Variants in NR2F1-AS1 observed in about 807,000 individuals in gnomAD.
NR2F1-AS1 encodes NR2F1 antisense RNA 1.
At chr5:93,521,917 T>C (rs543442373) in intron 4 of NR2F1-AS1, among the ~76,000 whole-genome samples, 16 of 152,308 alleles carry the variant, frequency 1.1e-4, no homozygotes, top group South Asian at 6.2e-4. Flanking sequence ...TGGCTGTTCA[T>C]TGCGGCACTA....
At chr5:93,569,974 T>C (rs1752708442) in intron 1 of NR2F1-AS1, 1 of 152,214 alleles carries the variant, frequency 6.6e-6, no homozygotes, top group South Asian at 2.1e-4. Context: ...GGCTGGAGGA[T>C]GGTAGTATTT....
intron 4 of NR2F1-AS1, among the ~76,000 whole-genome samples, chr5:93,520,329 AC>A (rs1205350497): frequency 6.6e-6 from 1 of 152,104 alleles, no homozygotes; most frequent in Non-Finnish European, 1.5e-5. Context: ...TTTGAAGAAC[AC>A]CAAATCCACT....
chr5:93,431,244 A>G lies in NR2F1-AS1; in HGVS notation n.639-35702T>C, dbSNP rs377126361. On this transcript the variant is annotated intron_variant and non_coding_transcript_variant, in intron 4 of 5. Coordinates refer to ENST00000660523, the Ensembl canonical transcript of NR2F1-AS1. ...TTATTTCCAGATGCATAATGTGTAT[A>G]AATATCTGCATAGCTAAAGACAAAT... Among the ~76,000 whole-genome samples, 33 of 152,154 alleles carry G rather than the reference A, an allele frequency of 2.2e-4. 1 individual carries two copies. In the East Asian group the frequency reaches 3.7e-3, roughly 17 times the overall value.
At chr5:93,429,080 C>T (rs147851047) in intron 4 of NR2F1-AS1, among the ~76,000 whole-genome samples, 10 of 152,252 alleles carry the variant, frequency 6.6e-5, no homozygotes, top group Non-Finnish European at 8.8e-5. Context: ...TGTGCAGTCA[C>T]TAAAGGCAGC....
intron 4 of NR2F1-AS1, among the ~76,000 whole-genome samples, chr5:93,515,182 CTG>C (rs1176381885): frequency 6.6e-6 from 1 of 151,822 alleles, no homozygotes; most frequent in Non-Finnish European, 1.5e-5. Context: ...TGAAGTGAAA[CTG>C]TGGGTTTTGT....
chr5:93,577,782 T>C (rs1479337614), intron 1 of NR2F1-AS1, among the ~76,000 whole-genome samples: 4 of 152,168 alleles, frequency 2.6e-5, no homozygotes, highest in Non-Finnish European at 5.9e-5. Flanking sequence ...GACCTTTTTC[T>C]CAATGATTGC....
intron 4 of NR2F1-AS1, among the ~76,000 whole-genome samples, chr5:93,552,962 T>C (rs1362493811): frequency 6.6e-6 from 1 of 152,122 alleles, no homozygotes. Flanking sequence ...GTAGATATAC[T>C]ACTGACTCTT....
At chr5:93,426,843 G>C (rs992132035) in intron 4 of NR2F1-AS1, among the ~76,000 whole-genome samples, 12 of 152,280 alleles carry the variant, frequency 7.9e-5, no homozygotes, top group Middle Eastern at 3.4e-3. Flanking sequence ...GGCTAGTGAT[G>C]AAAGTTACAT....
At chr5:93,557,189 A>T (rs2149916520) in intron 2 of NR2F1-AS1, among the ~76,000 whole-genome samples, 1 of 152,286 alleles carries the variant, frequency 6.6e-6, no homozygotes, top group Non-Finnish European at 1.5e-5. Flanking sequence ...AGTTATATAA[A>T]TTTTTCTTGG....
chr5:93,477,303 T>C (rs563013106), intron 4 of NR2F1-AS1, among the ~76,000 whole-genome samples: 1 of 152,266 alleles, frequency 6.6e-6, no homozygotes, highest in South Asian at 2.1e-4. Flanking sequence ...GTACACAACA[T>C]TAACATCACA....
rs548162934 is a variant in NR2F1-AS1 at position 93,521,565 on chromosome 5, C to T, written n.638+32196G>A. Among the ~76,000 whole-genome samples, 70 of 152,210 alleles carry T rather than the reference C, an allele frequency of 4.6e-4. 1 individual carries two copies. The highest frequency in any genetic ancestry group is 3.4e-3 in the Middle Eastern group (1 of 294). ...AAAGTGGGCAAAGGACATGAACAGA[C>T]GCTTTTCAAAAGAAGACATACATGC... On this transcript the variant is annotated intron_variant and non_coding_transcript_variant, in intron 4 of 5. Transcript: ENST00000660523.
At chr5:93,538,356 C>A (rs535551349) in intron 4 of NR2F1-AS1, among the ~76,000 whole-genome samples, 8 of 151,992 alleles carry the variant, frequency 5.3e-5, no homozygotes, top group Non-Finnish European at 1.0e-4. Flanking sequence ...GGCCTGTAGT[C>A]CCCCACTGCT....
chr5:93,556,354 A>G (rs1350591914), intron 2 of NR2F1-AS1, among the ~76,000 whole-genome samples: 1 of 152,224 alleles, frequency 6.6e-6, no homozygotes, highest in African/African-American at 2.4e-5. Context: ...TTCATACATG[A>G]CCCATTTATG....
intron 4 of NR2F1-AS1, among the ~76,000 whole-genome samples, chr5:93,470,615 C>T (rs1202669935): frequency 3.3e-5 from 5 of 151,752 alleles, no homozygotes; most frequent in Non-Finnish European, 7.4e-5. Flanking sequence ...AAATTCTAAT[C>T]TCCTATCATG....
rs1183824055 is a variant in NR2F1-AS1, at chr5:93,530,448, A to G, written n.638+23313T>C. 3.3e-5 allele frequency among the ~76,000 whole-genome samples: 5 copies of G among 152,310 alleles called. No individual in the cohort carries two copies. The East Asian group carries it at 9.7e-4, about 29-fold the overall frequency. On this transcript the variant is annotated intron_variant and non_coding_transcript_variant, in intron 4 of 5. Coordinates refer to ENST00000660523, the Ensembl canonical transcript of NR2F1-AS1. Reference sequence around the variant, plus strand: ...GTAATACGAATCTCTGGTTCCACCAAGGAACATCTGGTTCCTCTCCTTTAG... The same window carrying G: ...GTAATACGAATCTCTGGTTCCACCAGGGAACATCTGGTTCCTCTCCTTTAG...
At chr5:93,432,649 C>T (rs1190602447) in intron 4 of NR2F1-AS1, among the ~76,000 whole-genome samples, 2 of 152,120 alleles carry the variant, frequency 1.3e-5, no homozygotes, top group Non-Finnish European at 2.9e-5. Context: ...TATCCATTCC[C>T]CTATTTCTCC....
At chr5:93,478,772 T>G (rs746232627) in intron 4 of NR2F1-AS1, among the ~76,000 whole-genome samples, 11 of 152,266 alleles carry the variant, frequency 7.2e-5, no homozygotes, top group Non-Finnish European at 1.3e-4. Flanking sequence ...GTTTATACTA[T>G]TTGAACAGTT....
At chr5:93,447,503 A>G (rs1197873691) in intron 4 of NR2F1-AS1, among the ~76,000 whole-genome samples, 2 of 152,358 alleles carry the variant, frequency 1.3e-5, no homozygotes, top group South Asian at 2.1e-4. Context: ...AACCACAATG[A>G]GATACCATCT....
chr5:93,465,414 A>T (rs1490029204), intron 4 of NR2F1-AS1, among the ~76,000 whole-genome samples: 1 of 152,262 alleles, frequency 6.6e-6, no homozygotes, highest in Non-Finnish European at 1.5e-5. Context: ...ATCATTAAAA[A>T]GTCAGGAAAC....
Sources: allele counts gnomAD v4.1 joint callset (sites outside exome capture counted in the v4.1 genomes callset), GRCh38; gene constraint gnomAD v4.1.1; transcripts MANE v1.5; gene names NCBI Gene and HGNC (gene_info 2026-07-23, HGNC 2026-07-21).